The following PRKAR1B variants were observed in gnomAD, a reference collection of about 807,000 sequenced individuals.
The protein encoded by PRKAR1B is protein kinase cAMP-dependent type I regulatory subunit beta, also known as cAMP-dependent protein kinase type I-beta regulatory subunit.
PRKAR1B carries 22 observed loss-of-function variants against 46.5 expected under a neutral mutation model. That is an observed-to-expected ratio of 0.47 (90% CI 0.34 to 0.68). The LOEUF is 0.68. Ranked by LOEUF, PRKAR1B falls within the 30% of genes least tolerant of loss-of-function variation. The pLI is 0.01. For synonymous variants in PRKAR1B, 259 were observed against 217.7 expected (o/e 1.19, Z -1.67); for missense variants, 445 against 535.6 (o/e 0.83, Z 1.67).
intron 9 of PRKAR1B, among the ~76,000 whole-genome samples, chr7:553,137 C>T (rs1784352873): frequency 3.3e-5 from 5 of 152,140 alleles, no homozygotes; most frequent in Non-Finnish European, 4.4e-5. Flanking sequence ...ACGGGGCTGC[C>T]GTGTCACTGT....
At chr7:551,220 T>A (rs1784171749) in intron 10 of PRKAR1B, among the ~76,000 whole-genome samples, 169 bp downstream of exon 10, 1 of 152,024 alleles carries the variant, frequency 6.6e-6, no homozygotes, top group Admixed American at 6.5e-5. Context: ...GGACTTCAAT[T>A]TGGGGGAACA....
Position 551,431 on chromosome 7 carries a change from C to T in PRKAR1B, c.931G>A (p.Glu311Lys), listed in dbSNP as rs1224349212. 6 of 1,560,400 alleles carry T rather than the reference C, an allele frequency of 3.8e-6. No homozygotes were observed. Among genetic ancestry groups the T allele is most frequent in the Non-Finnish European group, 4.3e-6 (5 of 1,152,088 alleles). The change falls in exon 10 of 11, where the codon GAG (glutamate) becomes AAG (lysine). Residue 311 changes from glutamate (E) to lysine (K), a missense_variant. Transcript: ENST00000537384. Reference sequence around the variant, plus strand: ...CCCAGGCGCCCCACCTCCACGTACTCCTCATTGGGGGACCGGCGCTGCAGC... The same window carrying T: ...CCCAGGCGCCCCACCTCCACGTACTTCTCATTGGGGGACCGGCGCTGCAGC... ...SVLQRRSPNE[E>K]YVEVGRLGPS...
At chr7:620,979 A>G (rs528404599) in intron 4 of PRKAR1B, among the ~76,000 whole-genome samples, 2 of 152,228 alleles carry the variant, frequency 1.3e-5, no homozygotes, top group East Asian at 1.9e-4. Flanking sequence ...AATTTATGCA[A>G]TAGTTGTTGA....
intron 2 of PRKAR1B, chr7:691,898 C>T (rs1052560534): frequency 1.4e-5 from 15 of 1,109,548 alleles, no homozygotes; most frequent in African/African-American, 1.6e-5. Context: ...GGCACAGACG[C>T]CTCCCTGGAG....
intron 4 of PRKAR1B, among the ~76,000 whole-genome samples, chr7:640,918 G>T (rs1412972724): frequency 6.6e-6 from 1 of 152,074 alleles, no homozygotes. Flanking sequence ...TACGTTGCTG[G>T]TGGAAATGCA....
intron 6 of PRKAR1B, among the ~76,000 whole-genome samples, chr7:603,755 A>AGGTGACAT (rs1562554987): frequency 2.2e-5 from 2 of 91,984 alleles, no homozygotes; most frequent in African/African-American, 9.2e-5. Context: ...GTGGGGGAGG[A>AGGTGACAT]GGTGACACCA....
chr7:615,222 G>A (rs1472318982), intron 4 of PRKAR1B, among the ~76,000 whole-genome samples: 2 of 151,906 alleles, frequency 1.3e-5, no homozygotes, highest in Admixed American at 6.6e-5. Flanking sequence ...TCGGAAGATC[G>A]AGACCATCCT....
At chr7:566,676 C>T (rs565097369) in intron 9 of PRKAR1B, among the ~76,000 whole-genome samples, 4 of 8 alleles carry the variant, frequency 0.5, 2 homozygotes, top group African/African-American at 1. Context: ...ACCTTCATCA[C>T]CATCACCATC....
chr7:635,248 G>A (rs867241564), intron 4 of PRKAR1B, among the ~76,000 whole-genome samples: 7 of 152,230 alleles, frequency 4.6e-5, no homozygotes, highest in Non-Finnish European at 8.8e-5. Context: ...AGCTGAGCAG[G>A]GGTCCCTGTG....
intron 9 of PRKAR1B, among the ~76,000 whole-genome samples, chr7:577,291 C>CCT (rs1461986735): frequency 2.0e-5 from 3 of 152,210 alleles, no homozygotes; most frequent in Non-Finnish European, 4.4e-5. Flanking sequence ...AGAGAGGTGC[C>CCT]CTCCTTCTGG....
chr7:552,988 G>A (rs561153965), intron 9 of PRKAR1B, among the ~76,000 whole-genome samples: 22 of 152,256 alleles, frequency 1.4e-4, no homozygotes, highest in East Asian at 5.8e-4. Flanking sequence ...GGGCACCGCC[G>A]CAGCACGTGC....
rs564734408 is a variant in PRKAR1B at position 644,387 on chromosome 7, G to A, written c.440+32842C>T. On this transcript the variant is annotated intron_variant, in intron 4 of 10. Coordinates refer to ENST00000537384, the MANE Select transcript of PRKAR1B (RefSeq NM_001164760.2). The surrounding 1 kb of genome is among the most constrained non-coding windows in gnomAD (Gnocchi z 4.9). Reference sequence around the variant, plus strand: ...AAACTGAGGCGCGCACATTCGGAACGGGGTTTTGCTCCTCCTTGGGTGTGC... The same window carrying A: ...AAACTGAGGCGCGCACATTCGGAACAGGGTTTTGCTCCTCCTTGGGTGTGC... Among the ~76,000 whole-genome samples the A allele has an allele frequency of 1.3e-5, 2 of 152,178 alleles. No individual in the cohort carries two copies. The highest frequency in any genetic ancestry group is 2.1e-4 in the South Asian group (1 of 4,828).
intron 1 of PRKAR1B, among the ~76,000 whole-genome samples, chr7:720,564 T>C (rs1244762861): frequency 6.6e-6 from 1 of 152,274 alleles, no homozygotes; most frequent in Non-Finnish European, 1.5e-5. Flanking sequence ...TTCTAGCAGC[T>C]GCTGAGTTGG....
At chr7:727,454 A>G, upstream of PRKAR1B, 1 of 256,058 alleles carries the variant, frequency 3.9e-6, no homozygotes, top group Non-Finnish European at 6.2e-6. Context: ...CGGACCCCCC[A>G]TGCGCCGCTT....
intron 5 of PRKAR1B, 78 bp from the exon 6 acceptor site, chr7:606,317 T>C: frequency 3.6e-6 from 5 of 1,393,768 alleles, no homozygotes; most frequent in Non-Finnish European, 5.1e-6. Flanking sequence ...CAAACGACTT[T>C]CGCAACACTG....
intron 8 of PRKAR1B, among the ~76,000 whole-genome samples, chr7:583,792 G>A (rs1214085385): frequency 1.7e-5 from 2 of 120,186 alleles, no homozygotes; most frequent in African/African-American, 6.6e-5. Flanking sequence ...ACACCCATGT[G>A]CACTCACATG....
intron 6 of PRKAR1B, among the ~76,000 whole-genome samples, chr7:601,413 A>G (rs1044269939): frequency 7.9e-5 from 12 of 152,234 alleles, no homozygotes; most frequent in African/African-American, 2.9e-4. Flanking sequence ...CGGGTGCTGT[A>G]ATAACAGTAA....
chr7:597,818 G>T (rs191828916), intron 6 of PRKAR1B, among the ~76,000 whole-genome samples: 1 of 152,360 alleles, frequency 6.6e-6, no homozygotes, highest in Non-Finnish European at 1.5e-5. Flanking sequence ...CTGGCCTTCC[G>T]CCTCGCAGTG....
chr7:595,291 CA>C (rs888834872), intron 7 of PRKAR1B, among the ~76,000 whole-genome samples: 5 of 152,204 alleles, frequency 3.3e-5, no homozygotes, highest in East Asian at 1.9e-4. Flanking sequence ...GCCACCTTAT[CA>C]GGGGGGTCTC....
Sources: allele counts gnomAD v4.1 joint callset (sites outside exome capture counted in the v4.1 genomes callset), GRCh38; gene constraint gnomAD v4.1.1; non-coding constraint Gnocchi (gnomAD v3.1); transcripts MANE v1.5; gene names NCBI Gene and HGNC (gene_info 2026-07-23, HGNC 2026-07-21).